Variants in NRXN3 observed in about 807,000 individuals in gnomAD.
The protein encoded by NRXN3 is neurexin 3.
NRXN3 carries 32 observed loss-of-function variants against 137.6 expected under a neutral mutation model. The ratio of observed to expected loss-of-function variants is 0.23; its 90% CI spans 0.18 to 0.31. The LOEUF (loss-of-function observed/expected upper bound fraction) is 0.31, where lower values mean the gene tolerates loss of function less well. NRXN3 is among the 10% of genes least tolerant of loss of function. The pLI is 1.00. For synonymous variants in NRXN3, 798 were observed against 784.5 expected, an observed-to-expected ratio of 1.02 and a Z score of -0.29; for missense variants, 1,574 against 2,062.5, an observed-to-expected ratio of 0.76 and a Z score of 4.59.
At chr14:78,869,841 T>C (rs1310613689) in intron 10 of NRXN3, among the ~76,000 whole-genome samples, 1 of 151,972 alleles carries the variant, frequency 6.6e-6, no homozygotes, top group Non-Finnish European at 1.5e-5. Context: ...TCATGATAAA[T>C]ATATGGGCCA....
chr14:78,484,902 G>A (rs575998217), intron 4 of NRXN3, among the ~76,000 whole-genome samples: 25 of 152,168 alleles, frequency 1.6e-4, no homozygotes, highest in Non-Finnish European at 2.5e-4. Flanking sequence ...TGAGACACTT[G>A]TCCGGATATG....
At chr14:78,317,260 C>T (rs1412361530) in intron 4 of NRXN3, among the ~76,000 whole-genome samples, 3 of 152,254 alleles carry the variant, frequency 2.0e-5, no homozygotes, top group East Asian at 1.9e-4. Flanking sequence ...TCTCCAACCC[C>T]CAGGCTGTGG....
chr14:79,530,961 G>A, intron 16 of NRXN3, among the ~76,000 whole-genome samples: 1 of 152,124 alleles, frequency 6.6e-6, no homozygotes, highest in Non-Finnish European at 1.5e-5. Flanking sequence ...GAAACATGAA[G>A]AAATGTCTTC....
At chr14:79,669,545 T>A (rs914857250) in intron 17 of NRXN3, among the ~76,000 whole-genome samples, 1 of 152,126 alleles carries the variant, frequency 6.6e-6, no homozygotes, top group Non-Finnish European at 1.5e-5. Context: ...CAGTTTGTCT[T>A]CGGTTAACAA....
At chr14:78,914,118 C>T (rs1048081436) in intron 10 of NRXN3, among the ~76,000 whole-genome samples, 1 of 152,148 alleles carries the variant, frequency 6.6e-6, no homozygotes, top group Non-Finnish European at 1.5e-5. Flanking sequence ...CCCATGATTA[C>T]AGTTCACACT....
rs1403697990 is a variant in NRXN3 at position 79,130,341 on chromosome 14, A to G, written c.3262+142200A>G. ...TCAGTTGTTCCTTTCCATGTTTAGC[A>G]CTTCCTTCAGGAGCTCTTTTAGGGC... On this transcript the variant is annotated intron_variant, in intron 15 of 20. Transcript: ENST00000335750. Among the ~76,000 whole-genome samples, 6 of 150,890 alleles carry G rather than the reference A, an allele frequency of 4.0e-5. No homozygotes were observed. The South Asian group carries it at 6.4e-4, about 16-fold the overall frequency.
At chr14:79,500,367 G>A (rs528469477) in intron 16 of NRXN3, among the ~76,000 whole-genome samples, 2 of 152,104 alleles carry the variant, frequency 1.3e-5, no homozygotes, top group South Asian at 2.1e-4. Flanking sequence ...TTCATCTTGA[G>A]CGAGGGATAC....
chr14:79,719,610 G>GA (rs1012674791), intron 19 of NRXN3, among the ~76,000 whole-genome samples: 19 of 151,904 alleles, frequency 1.3e-4, no homozygotes, highest in Admixed American at 3.3e-4. Context: ...ACGTATTGTA[G>GA]AAAAAAATCA....
At chr14:79,830,163 A>G (rs952724878) in intron 20 of NRXN3, among the ~76,000 whole-genome samples, 2 of 151,952 alleles carry the variant, frequency 1.3e-5, no homozygotes, top group African/African-American at 4.8e-5. Flanking sequence ...TCATTTTAAA[A>G]TGAATGAAGT....
chr14:79,046,178 C>T (rs1009316713), intron 15 of NRXN3, among the ~76,000 whole-genome samples: 1 of 152,118 alleles, frequency 6.6e-6, no homozygotes, highest in African/African-American at 2.4e-5. Flanking sequence ...CTGAAAGCTT[C>T]CTTCCCCTCC....
chr14:79,530,268 C>T (rs1479069138), intron 16 of NRXN3, among the ~76,000 whole-genome samples: 2 of 152,016 alleles, frequency 1.3e-5, no homozygotes, highest in East Asian at 3.9e-4. Flanking sequence ...TGCACATAGT[C>T]ACATTTAAAG....
intron 10 of NRXN3, among the ~76,000 whole-genome samples, chr14:78,913,383 G>A (rs1425970935): frequency 1.4e-5 from 2 of 143,816 alleles, no homozygotes; most frequent in African/African-American, 5.2e-5. Context: ...GGGTTTAAGC[G>A]ATTCTCCTGC....
Position 78,979,865 on chromosome 14 carries a change from C to T in NRXN3, c.3143-8157C>T, listed in dbSNP as rs143499672. 2.5e-3 allele frequency among the ~76,000 whole-genome samples: 379 copies of T among 152,202 alleles called. 1 individual carries two copies. The highest frequency in any genetic ancestry group is 8.6e-3 in the African/African-American group (358 of 41,528). On this transcript the variant is annotated intron_variant, in intron 14 of 20. Transcript: ENST00000335750. Reference sequence around the variant, plus strand: ...AGATCTCATGAGACTTATTCACTATCGTGAGAACAGCATGGGAAAGACCTA... The same window carrying T: ...AGATCTCATGAGACTTATTCACTATTGTGAGAACAGCATGGGAAAGACCTA...
At chr14:79,123,167 G>A (rs979718603) in intron 15 of NRXN3, among the ~76,000 whole-genome samples, 1 of 152,104 alleles carries the variant, frequency 6.6e-6, no homozygotes, top group Non-Finnish European at 1.5e-5. Context: ...GTTGACTCCT[G>A]TCCATCCAGA....
At chr14:79,097,544 G>A (rs2050566588) in intron 15 of NRXN3, among the ~76,000 whole-genome samples, 2 of 152,184 alleles carry the variant, frequency 1.3e-5, no homozygotes, top group Non-Finnish European at 2.9e-5. Context: ...TCTGAAGGAA[G>A]AGGCCAAACC....
intron 1 of NRXN3, among the ~76,000 whole-genome samples, chr14:78,235,676 CA>C (rs2066192647): frequency 6.6e-6 from 1 of 151,846 alleles, no homozygotes; most frequent in Non-Finnish European, 1.5e-5. Context: ...CCGCTTTCAG[CA>C]CAATATAAAC....
chr14:78,994,437 A>G (rs1308768470), intron 15 of NRXN3, among the ~76,000 whole-genome samples: 1 of 152,218 alleles, frequency 6.6e-6, no homozygotes, highest in Non-Finnish European at 1.5e-5. Context: ...AATGCATGTT[A>G]TGGTGCCCAA....
intron 15 of NRXN3, among the ~76,000 whole-genome samples, chr14:79,376,251 T>TAC (rs1566950409): frequency 1.5e-5 from 1 of 65,970 alleles, no homozygotes; most frequent in Non-Finnish European, 3.4e-5. Flanking sequence ...TATATATATA[T>TAC]ATATATATAT....
At chr14:79,048,285 G>A (rs903369267) in intron 15 of NRXN3, among the ~76,000 whole-genome samples, 13 of 152,284 alleles carry the variant, frequency 8.5e-5, no homozygotes, top group African/African-American at 3.1e-4. Flanking sequence ...GCATGAGAGA[G>A]CTTTGTGGGA....
Sources: allele counts gnomAD v4.1 joint callset (sites outside exome capture counted in the v4.1 genomes callset), GRCh38; gene constraint gnomAD v4.1.1; transcripts MANE v1.5; gene names NCBI Gene and HGNC (gene_info 2026-07-23, HGNC 2026-07-21).